Variants in KHDRBS3 observed in about 807,000 individuals in gnomAD.
KHDRBS3 encodes KH domain-containing, RNA-binding, signal transduction-associated protein 3.
In KHDRBS3, 23 loss-of-function variants were observed where a neutral mutation model predicts 45.6. The ratio of observed to expected loss-of-function variants is 0.50; its 90% CI spans 0.36 to 0.72. KHDRBS3 has a LOEUF of 0.72. Ranked by LOEUF, KHDRBS3 falls within the 30% of genes least tolerant of loss-of-function variation. The pLI is 0.00. For synonymous variants in KHDRBS3, 162 were observed against 156.5 expected (o/e 1.04, Z -0.26); for missense variants, 352 against 424.8 (o/e 0.83, Z 1.51).
intron 5 of KHDRBS3, among the ~76,000 whole-genome samples, chr8:135,561,224 C>A (rs979379427): frequency 6.6e-6 from 1 of 152,162 alleles, no homozygotes; most frequent in African/African-American, 2.4e-5. Flanking sequence ...ATCATTATTA[C>A]CTTCAAGTCT....
chr8:135,537,101 A>C (rs73712061), intron 2 of KHDRBS3, among the ~76,000 whole-genome samples: 15,764 of 152,004 alleles, frequency 0.1, 910 homozygotes, highest in East Asian at 0.18. Flanking sequence ...CAGTGAACAC[A>C]CAGGCCTAGT....
rs897705071 is a variant in KHDRBS3 at position 135,458,020 on chromosome 8, A to G, written c.88+66A>G. 2.0e-6 allele frequency: 3 copies of G among 1,501,122 alleles called. No individual in the cohort carries two copies. The Admixed American group carries it at 7.1e-5, about 35-fold the overall frequency. The allele number at this position is 1,501,122 out of a possible 1,614,324, so 93.0% of individuals were successfully genotyped here. A position where few individuals can be genotyped will look rare whatever the true frequency, so the allele number is the denominator to read the frequency against. ...GGGCCGGGTGGAAACGCGGGGGCCC[A>G]GGGGGCCCCTCCGTGCCCTCTGCTG... On this transcript the variant is annotated intron_variant, in intron 1 of 8. Coordinates refer to ENST00000355849, the MANE Select transcript of KHDRBS3 (RefSeq NM_006558.3).
At position 135,542,882 on chromosome 8, in the gene KHDRBS3, G is replaced by A. The variant is rs1016055173; in HGVS notation, c.324+112G>A. On this transcript the variant is annotated intron_variant, in intron 3 of 8. Coordinates refer to ENST00000355849, the MANE Select transcript of KHDRBS3 (RefSeq NM_006558.3). ...CATAAGGGGATGTATTTGTGATACT[G>A]TTTAGAAAATTGAGTCACTCTGGTC... The A allele has an allele frequency of 6.7e-6, 5 of 748,008 alleles. No individual in the cohort carries two copies. The African/African-American group carries it at 8.8e-5, about 13-fold the overall frequency. 46.3% of individuals were successfully genotyped at this position (748,008 alleles called of 1,614,324 possible).
chr8:135,581,644 AC>A (rs1828214301), intron 5 of KHDRBS3, among the ~76,000 whole-genome samples: 2 of 152,168 alleles, frequency 1.3e-5, no homozygotes, highest in South Asian at 4.1e-4. Context: ...CTGTGTATTG[AC>A]CAGAGATTAA....
At chr8:135,570,948 A>T (rs541008273) in intron 5 of KHDRBS3, among the ~76,000 whole-genome samples, 8 of 152,342 alleles carry the variant, frequency 5.3e-5, no homozygotes, top group African/African-American at 1.9e-4. Context: ...AAAAGCGGAA[A>T]ATCTTTGGTT....
intron 7 of KHDRBS3, among the ~76,000 whole-genome samples, chr8:135,626,422 G>A (rs1830362469): frequency 6.6e-6 from 1 of 152,166 alleles, no homozygotes; most frequent in African/African-American, 2.4e-5. Context: ...CTCTCACATG[G>A]ACATCAGCAT....
At chr8:135,553,015 A>G (rs1826687629) in intron 4 of KHDRBS3, among the ~76,000 whole-genome samples, 1 of 152,266 alleles carries the variant, frequency 6.6e-6, no homozygotes, top group South Asian at 2.1e-4. Flanking sequence ...GAAAGGTTGT[A>G]TGGAGAGCTT....
intron 7 of KHDRBS3, among the ~76,000 whole-genome samples, chr8:135,623,811 G>T (rs1330672702): frequency 6.6e-6 from 1 of 152,096 alleles, no homozygotes; most frequent in South Asian, 2.1e-4. Context: ...ATACCACACA[G>T]CATGCACTAC....
At chr8:135,557,311 G>T in intron 4 of KHDRBS3, 137 bp from the exon 5 acceptor site, 1 of 444,390 alleles carries the variant, frequency 2.3e-6, no homozygotes, top group Non-Finnish European at 3.8e-6. Flanking sequence ...TTTTATTTTA[G>T]CAAATTTGTA....
At chr8:135,489,051 A>G (rs1025864431) in intron 1 of KHDRBS3, among the ~76,000 whole-genome samples, 3 of 152,210 alleles carry the variant, frequency 2.0e-5, no homozygotes, top group African/African-American at 7.2e-5. Context: ...GCTTTTAGTG[A>G]ATGACCATCC....
chr8:135,601,186 G>GC (rs1829196171), intron 6 of KHDRBS3, among the ~76,000 whole-genome samples: 2 of 152,216 alleles, frequency 1.3e-5, no homozygotes. Context: ...ATTCAGTCCA[G>GC]CAATGTAATG....
intron 1 of KHDRBS3, among the ~76,000 whole-genome samples, chr8:135,494,521 A>T (rs1185574607): frequency 2.0e-5 from 3 of 151,640 alleles, no homozygotes; most frequent in Non-Finnish European, 4.4e-5. Flanking sequence ...CTCGTGATCC[A>T]CCCACCTCGG....
intron 1 of KHDRBS3, among the ~76,000 whole-genome samples, chr8:135,510,074 G>T (rs1054030204): frequency 2.6e-5 from 4 of 151,004 alleles, no homozygotes; most frequent in African/African-American, 9.8e-5. Flanking sequence ...TGACCTCCTG[G>T]GCTCAAGCGA....
chr8:135,622,271 T>C (rs1830178650), intron 7 of KHDRBS3, among the ~76,000 whole-genome samples: 3 of 152,250 alleles, frequency 2.0e-5, no homozygotes, highest in East Asian at 3.8e-4. Context: ...AATTTTACTT[T>C]ACATCAGTAA....
chr8:135,547,349 T>C (rs1011060422), intron 3 of KHDRBS3, among the ~76,000 whole-genome samples: 2 of 152,198 alleles, frequency 1.3e-5, no homozygotes, highest in African/African-American at 4.8e-5. Context: ...AGGTAGTATA[T>C]ACACTGTCTC....
At chr8:135,646,008 T>C (rs1199486886) in intron 8 of KHDRBS3, among the ~76,000 whole-genome samples, 7 of 147,950 alleles carry the variant, frequency 4.7e-5, no homozygotes, top group Non-Finnish European at 3.0e-5. Context: ...TTTTTTTTTT[T>C]TTTTTTTTTT....
chr8:135,606,429 C>T (rs1204718596), intron 6 of KHDRBS3, among the ~76,000 whole-genome samples: 1 of 152,090 alleles, frequency 6.6e-6, no homozygotes, highest in African/African-American at 2.4e-5. Context: ...TTCAGATACC[C>T]TGAGGAAAAA....
intron 7 of KHDRBS3, chr8:135,625,081 A>G (rs1332263807): frequency 1.6e-6 from 1 of 635,594 alleles, no homozygotes; most frequent in African/African-American, 1.9e-5. Flanking sequence ...TTGCTTATGA[A>G]AAGAAACCAG....
chr8:135,495,719 CATT>C (rs1383711158), intron 1 of KHDRBS3, among the ~76,000 whole-genome samples: 1 of 152,080 alleles, frequency 6.6e-6, no homozygotes, highest in Non-Finnish European at 1.5e-5. Flanking sequence ...TTATTTTAAT[CATT>C]GTTTCCCTAG....
Sources: gnomAD v4.1 joint callset for allele counts (sites outside exome capture counted in the v4.1 genomes callset) on GRCh38, gnomAD v4.1.1 for gene constraint, MANE v1.5 for transcripts, NCBI Gene and HGNC (gene_info 2026-07-23, HGNC 2026-07-21) for gene names.